CALD1: variants seen among roughly 807,000 people sequenced by gnomAD.
CALD1 encodes caldesmon.
Under a neutral mutation model 99.9 loss-of-function variants are expected in CALD1, and 33 were observed. That is an observed-to-expected ratio of 0.33 (90% CI 0.25 to 0.44). The LOEUF is 0.44. CALD1 is among the 20% of genes least tolerant of loss of function. The pLI, the probability that CALD1 is intolerant of heterozygous loss-of-function variation, is 1.00. For synonymous variants in CALD1, 310 were observed against 325.0 expected (o/e 0.95, Z 0.50); for missense variants, 861 against 962.1 (o/e 0.89, Z 1.39).
intron 2 of CALD1, among the ~76,000 whole-genome samples, chr7:134,861,170 T>C (rs565779287): frequency 6.6e-6 from 1 of 152,338 alleles, no homozygotes; most frequent in East Asian, 1.9e-4. Flanking sequence ...TGGCGTAAGA[T>C]GAAACTTTGA....
intron 1 of CALD1, among the ~76,000 whole-genome samples, chr7:134,752,830 A>G (rs1423109176): frequency 6.6e-6 from 1 of 151,872 alleles, no homozygotes; most frequent in South Asian, 2.1e-4. Context: ...GTGAAACACC[A>G]TCTCTACTAA....
chr7:134,824,038 T>C (rs997489776), intron 1 of CALD1, among the ~76,000 whole-genome samples: 4 of 152,084 alleles, frequency 2.6e-5, no homozygotes, highest in Non-Finnish European at 5.9e-5. Flanking sequence ...GTCATGAAAG[T>C]AGAAGATTAG....
chr7:134,835,173 C>T (rs1435880652), intron 1 of CALD1, among the ~76,000 whole-genome samples: 1 of 152,192 alleles, frequency 6.6e-6, no homozygotes, highest in African/African-American at 2.4e-5. Flanking sequence ...CAAGGCTACA[C>T]ATACTGATGG....
chr7:134,726,080 T>A, the CALD1 span, among the ~76,000 whole-genome samples: 25 of 152,254 alleles, frequency 1.6e-4, no homozygotes, highest in Middle Eastern at 3.4e-3. Context: ...GTAACTTAAC[T>A]GAATCTTATA....
chr7:134,912,867 T>C (rs369317677), intron 3 of CALD1, among the ~76,000 whole-genome samples: 1 of 152,174 alleles, frequency 6.6e-6, no homozygotes, highest in Non-Finnish European at 1.5e-5. Context: ...GCAAATTGTA[T>C]CAAAAAATTG....
chr7:134,920,082 C>A lies in CALD1; in HGVS notation c.72-8672C>A, dbSNP rs1352211120. On this transcript the variant is annotated intron_variant, in intron 3 of 14. Transcript: ENST00000361675. ...TCATATTTAAGAGCCTGGAATGTTT[C>A]TATAAACTTCTTTTAACTTTCAAAC... 2.6e-5 allele frequency among the ~76,000 whole-genome samples: 4 copies of A among 152,148 alleles called. No individual in the cohort carries two copies. In the East Asian group the frequency reaches 5.8e-4, roughly 22 times the overall value.
chr7:134,922,940 T>C (rs553411022), intron 3 of CALD1, among the ~76,000 whole-genome samples: 6 of 152,308 alleles, frequency 3.9e-5, no homozygotes, highest in African/African-American at 1.2e-4. Flanking sequence ...TTTCTTATCT[T>C]GTAACACCAG....
chr7:134,910,669 A>G (rs1258171465), intron 3 of CALD1, among the ~76,000 whole-genome samples: 2 of 152,046 alleles, frequency 1.3e-5, no homozygotes, highest in Non-Finnish European at 2.9e-5. Context: ...ACACACACAC[A>G]CGCTCTTGAA....
intron 3 of CALD1, among the ~76,000 whole-genome samples, chr7:134,899,291 C>A (rs1269975580): frequency 1.3e-5 from 2 of 151,704 alleles, no homozygotes; most frequent in African/African-American, 4.8e-5. Flanking sequence ...ACAACCTCTG[C>A]CTCTCAGGTT....
At chr7:134,721,716 T>A in the CALD1 span, among the ~76,000 whole-genome samples, 1 of 152,068 alleles carries the variant, frequency 6.6e-6, no homozygotes, top group East Asian at 1.9e-4. Flanking sequence ...CGGTAGTGTC[T>A]CCATCTCCAT....
chr7:134,756,550 T>C (rs1010860392), intron 1 of CALD1, among the ~76,000 whole-genome samples: 1 of 152,126 alleles, frequency 6.6e-6, no homozygotes, highest in Non-Finnish European at 1.5e-5. Flanking sequence ...GATGTTATAA[T>C]AAACTATGTA....
chr7:134,953,142 T>C (rs1196208282), intron 9 of CALD1, among the ~76,000 whole-genome samples: 1 of 152,164 alleles, frequency 6.6e-6, no homozygotes, highest in Non-Finnish European at 1.5e-5. Context: ...TCATGAAATA[T>C]TATTCTTCTT....
At position 134,960,100 on chromosome 7, in the gene CALD1, A is replaced by G; in HGVS notation, c.2188A>G (p.Thr730Ala). 3 of 1,614,218 alleles carry G rather than the reference A, an allele frequency of 1.9e-6. No homozygotes were observed. The highest frequency in any genetic ancestry group is 2.5e-6 in the Non-Finnish European group (3 of 1,180,024). Residue 730 changes from threonine to alanine, a missense_variant, in exon 12 of 15, where the codon ACA (threonine) becomes GCA (alanine). By Grantham distance (58) the Thr-to-Ala change is moderately conservative. Coordinates refer to ENST00000361675, the MANE Select transcript of CALD1 (RefSeq NM_033138.4). ...GTTTTCATCCCCCACTGCAGCAGGC[A>G]CACCAAATAAGGTGAGCATCTGATT... ...NVFSSPTAAG[T>A]PNKETAGLKV...
upstream of CALD1, among the ~76,000 whole-genome samples, chr7:134,779,208 T>G (rs1359077296): frequency 6.6e-6 from 1 of 152,230 alleles, no homozygotes; most frequent in East Asian, 1.9e-4. Flanking sequence ...TAACTTTTTG[T>G]TTCAGAGACT....
intron 1 of CALD1, among the ~76,000 whole-genome samples, chr7:134,746,913 G>A (rs1181834817): frequency 6.6e-6 from 1 of 152,236 alleles, no homozygotes; most frequent in Non-Finnish European, 1.5e-5. Flanking sequence ...TCTAAGCAAA[G>A]TGTTGAAGAT....
chr7:134,721,686 A>G, the CALD1 span, among the ~76,000 whole-genome samples: 1 of 152,088 alleles, frequency 6.6e-6, no homozygotes, highest in Non-Finnish European at 1.5e-5. Flanking sequence ...ACCTCAGGCC[A>G]GTTATTCCAC....
At chr7:134,950,568 G>A (rs1807259448) in intron 9 of CALD1, 54 bp downstream of exon 9, 1 of 1,461,508 alleles carries the variant, frequency 6.8e-7, no homozygotes, top group Admixed American at 1.8e-5. Flanking sequence ...CTGGATTTTA[G>A]CCCCTTGTTT....
At chr7:134,936,473 A>G (rs1805983567) in intron 6 of CALD1, among the ~76,000 whole-genome samples, 2 of 152,210 alleles carry the variant, frequency 1.3e-5, no homozygotes, top group African/African-American at 4.8e-5. Flanking sequence ...AAAAATTGTG[A>G]CTATATCGAA....
At chr7:134,901,837 G>A (rs1428435809) in intron 3 of CALD1, among the ~76,000 whole-genome samples, 1 of 152,060 alleles carries the variant, frequency 6.6e-6, no homozygotes, top group Non-Finnish European at 1.5e-5. Flanking sequence ...GTGTGTGTCT[G>A]TGTTTGTGTC....
Sources: allele counts gnomAD v4.1 joint callset (sites outside exome capture counted in the v4.1 genomes callset), GRCh38; gene constraint gnomAD v4.1.1; transcripts MANE v1.5; gene names NCBI Gene and HGNC (gene_info 2026-07-23, HGNC 2026-07-21).